Variants in ACSM3 observed in about 807,000 individuals in gnomAD.
ACSM3 encodes acyl-CoA synthetase medium chain family member 3, also known as acyl-coenzyme A synthetase ACSM3, mitochondrial.
Under a neutral mutation model 74.1 loss-of-function variants are expected in ACSM3, and 61 were observed. The observed-to-expected ratio is 0.82, with a 90% CI of 0.67 to 1.02. The LOEUF (loss-of-function observed/expected upper bound fraction) is 1.02. ACSM3 is among the 50% of genes least tolerant of loss of function. The probability of loss-of-function intolerance (pLI) is 0.00; values close to 1 mark genes in which losing one functional copy is unlikely to be tolerated. For missense variants in ACSM3, 660 were observed against 697.0 expected, an observed-to-expected ratio of 0.95 and a Z score of 0.60; for synonymous variants, 213 against 241.5, an observed-to-expected ratio of 0.88 and a Z score of 1.09.
intron 1 of ACSM3, among the ~76,000 whole-genome samples, chr16:20,676,488 G>C (rs1008015172): frequency 6.6e-6 from 1 of 152,196 alleles, no homozygotes; most frequent in Non-Finnish European, 1.5e-5. Context: ...CACAGCATTT[G>C]TAAGGCAGGC....
rs139768270 is a variant in ACSM3 at position 20,790,265 on chromosome 16, T to C, written c.1225-322T>C. 1.3e-3 allele frequency among the ~76,000 whole-genome samples: 205 copies of C among 152,218 alleles called. 1 individual carries two copies. Among genetic ancestry groups the C allele is most frequent in the African/African-American group, 4.7e-3 (197 of 41,552 alleles). ...CCAGGAACCAGCCTGGGCAACATAA[T>C]GAGTCCCTCATCCCTACAAAAAATA... On this transcript the variant is annotated intron_variant, in intron 9 of 13. Coordinates refer to ENST00000289416, the MANE Select transcript of ACSM3 (RefSeq NM_005622.4). The surrounding 1 kb of genome is among the most constrained non-coding windows in gnomAD (Gnocchi z 4.0).
At chr16:20,746,282 C>A (rs1220180562) in intron 1 of ACSM3, among the ~76,000 whole-genome samples, 1 of 152,244 alleles carries the variant, frequency 6.6e-6, no homozygotes, top group East Asian at 1.9e-4. Context: ...TCATGGAAGC[C>A]TGTTTTTTTC....
In ACSM3 at chr16:20,778,718, G is replaced by A. The variant is rs1326326390; in HGVS notation, c.638+1138G>A. Among the ~76,000 whole-genome samples, 3 of 151,558 alleles carry A rather than the reference G, an allele frequency of 2.0e-5. No individual in the cohort carries two copies. The East Asian group carries it at 5.8e-4, about 29-fold the overall frequency. On this transcript the variant is annotated intron_variant, in intron 4 of 13. Transcript: ENST00000289416. ...CCTTCCTCAGGTTTTGAGGGCAACC[G>A]TATTGGTGATGGAAGTGATAGGAAC... is the stretch of plus-strand genomic sequence containing the variant.
intron 3 of ACSM3, among the ~76,000 whole-genome samples, chr16:20,757,897 T>G (rs1374793184): frequency 1.1e-4 from 16 of 152,276 alleles, no homozygotes; most frequent in African/African-American, 3.1e-4. Flanking sequence ...GATAATCATG[T>G]GGTTTTTGTC....
At position 20,745,578 on chromosome 16, in the gene ACSM3, AAAATAAAT is replaced by A. The variant is rs55894266; in HGVS notation, c.-189-4306_-189-4299del. Among the ~76,000 whole-genome samples, 49 of 150,670 alleles carry A rather than the reference AAAATAAAT, an allele frequency of 3.3e-4. 1 individual carries two copies. Among genetic ancestry groups the A allele is most frequent in the Admixed American group, 5.3e-4 (8 of 15,154 alleles). ...GCCTGGGCAAAATAGACTCTGTCTC[AAAATAAAT>A]AAATAAATAAATAAATAAATAAATA... On this transcript the variant is annotated intron_variant, in intron 1 of 3. Transcript: ENST00000561584.
Position 20,769,973 on chromosome 16 carries a change from T to A in ACSM3, c.-51-11T>A, listed in dbSNP as rs1240076508. ...AGAAACAAATATATGTCCTTTTTGC[T>A]TGTCTTTTAGATGAACTGGTCTCTG... On this transcript the variant is annotated splice_polypyrimidine_tract_variant and intron_variant, in intron 1 of 13. Transcript: ENST00000289416. 3.2e-6 allele frequency: 5 copies of A among 1,551,264 alleles called. No individual in the cohort carries two copies. The highest frequency in any genetic ancestry group is 4.4e-6 in the Non-Finnish European group (5 of 1,125,866).
At chr16:20,727,174 G>C (rs570801641) in intron 1 of ACSM3, among the ~76,000 whole-genome samples, 2 of 152,172 alleles carry the variant, frequency 1.3e-5, no homozygotes, top group Non-Finnish European at 2.9e-5. Context: ...CATATGCCTA[G>C]AACAATGTCT....
Position 20,790,780 on chromosome 16 carries a change from T to A in ACSM3, c.1326+92T>A. 1 of 1,613,346 alleles carries A rather than the reference T, an allele frequency of 6.2e-7. No homozygotes were observed. On this transcript the variant is annotated intron_variant, in intron 10 of 13. Transcript: ENST00000289416. The surrounding 1 kb of genome is among the most constrained non-coding windows in gnomAD (Gnocchi z 4.0). Reference sequence around the variant, plus strand: ...TGCCACAAAACATACCTAGGATAGGTACTTGACCCTTTCTTGAGAGATTGG... The same window carrying A: ...TGCCACAAAACATACCTAGGATAGGAACTTGACCCTTTCTTGAGAGATTGG...
chr16:20,685,082 A>G, intron 1 of ACSM3: 1 of 1,142,788 alleles, frequency 8.8e-7, no homozygotes, highest in Non-Finnish European at 1.3e-6. Flanking sequence ...ACTGGGGCGA[A>G]GGCTTCAAAG....
intron 2 of ACSM3, among the ~76,000 whole-genome samples, chr16:20,772,483 A>G (rs1316983894): frequency 1.3e-5 from 2 of 152,152 alleles, no homozygotes; most frequent in Non-Finnish European, 2.9e-5. Flanking sequence ...CGGTTGTTTT[A>G]TAGTTTTGAG....
In ACSM3 at chr16:20,748,945, G is replaced by A. The variant is rs115450804; in HGVS notation, c.-189-965G>A. Among the ~76,000 whole-genome samples, 1,009 of 152,074 alleles carry A rather than the reference G, an allele frequency of 6.6e-3. 18 individuals carry two copies. Among genetic ancestry groups the A allele is most frequent in the African/African-American group, 0.023 (947 of 41,504 alleles). On this transcript the variant is annotated intron_variant, in intron 1 of 3. Transcript: ENST00000561584. Reference sequence around the variant, plus strand: ...TGGGCACTTGTAACCCCAGCTACTCGGGAGGCTGAAGTAGAAGAATCATTT... The same window carrying A: ...TGGGCACTTGTAACCCCAGCTACTCAGGAGGCTGAAGTAGAAGAATCATTT...
intron 1 of ACSM3, among the ~76,000 whole-genome samples, chr16:20,715,695 A>G (rs968810849): frequency 2.4e-4 from 36 of 152,244 alleles, no homozygotes; most frequent in Non-Finnish European, 4.0e-4. Flanking sequence ...TTAAAACAGC[A>G]TCCTTAACCC....
At position 20,786,177 on chromosome 16, in the gene ACSM3, A is replaced by C; in HGVS notation, c.1224+19A>C. ...TGTTAAGGTTTGCACATCCCCTTCC[A>C]GGAGAATGTTTAACAACCCAATCTG... On this transcript the variant is annotated intron_variant, in intron 9 of 13. Coordinates refer to ENST00000289416, the MANE Select transcript of ACSM3 (RefSeq NM_005622.4). 1 of 1,608,270 alleles carries C rather than the reference A, an allele frequency of 6.2e-7. No homozygotes were observed. The highest frequency in any genetic ancestry group is 8.5e-7 in the Non-Finnish European group (1 of 1,177,354).
intron 1 of ACSM3, chr16:20,682,305 C>T (rs2079462590): frequency 6.2e-7 from 1 of 1,613,880 alleles, no homozygotes; most frequent in South Asian, 1.1e-5. Flanking sequence ...TGATCAGACA[C>T]CAGGAGCTTG....
intron 4 of ACSM3, among the ~76,000 whole-genome samples, chr16:20,779,417 C>A (rs1355298725): frequency 1.8e-5 from 2 of 112,946 alleles, no homozygotes; most frequent in Admixed American, 2.0e-4. Flanking sequence ...GAGAGAGAAA[C>A]CCTGTCTCAA....
intron 1 of ACSM3, among the ~76,000 whole-genome samples, chr16:20,745,207 T>A (rs1021420414): frequency 2.0e-5 from 3 of 152,218 alleles, no homozygotes; most frequent in Admixed American, 1.3e-4. Flanking sequence ...TTTCACCTCC[T>A]TAGGTTACCT....
At chr16:20,760,555 C>T (rs746918519), upstream of ACSM3, among the ~76,000 whole-genome samples, 35 of 152,134 alleles carry the variant, frequency 2.3e-4, no homozygotes, top group East Asian at 1.9e-4. Context: ...CTAAACTTAT[C>T]GGTCTTGTGA....
At chr16:20,786,333 C>T in intron 9 of ACSM3, 175 bp downstream of exon 9, 1 of 1,304,486 alleles carries the variant, frequency 7.7e-7, no homozygotes. Flanking sequence ...TCTTGGTCTC[C>T]ATTATTTTGC....
At position 20,698,590 on chromosome 16, in the gene ACSM3, C is replaced by T. The variant is rs140923288; in HGVS notation, c.-190+23768C>T. On this transcript the variant is annotated intron_variant, in intron 1 of 3. Coordinates refer to the ACSM3 transcript ENST00000561584. ...ATGGCATGGTCTTGGCTCACTGCAACCTCCGCCTCCCAGGTTTAATTGAGT... is the reference window on the plus strand; with the variant it reads ...ATGGCATGGTCTTGGCTCACTGCAATCTCCGCCTCCCAGGTTTAATTGAGT... Among the ~76,000 whole-genome samples the T allele has an allele frequency of 3.7e-3, 559 of 152,220 alleles. 3 individuals are homozygous for T. Among genetic ancestry groups the T allele is most frequent in the African/African-American group, 0.013 (525 of 41,552 alleles).
Sources: allele counts gnomAD v4.1 joint callset (sites outside exome capture counted in the v4.1 genomes callset), GRCh38; gene constraint gnomAD v4.1.1; non-coding constraint Gnocchi (gnomAD v3.1); transcripts MANE v1.5; gene names NCBI Gene and HGNC (gene_info 2026-07-23, HGNC 2026-07-21).